Variants in ZNF132 observed in about 807,000 individuals in gnomAD.
The protein encoded by ZNF132 is zinc finger protein 132.
Under a neutral mutation model 9.3 loss-of-function variants are expected in ZNF132, and 6 were observed. The ratio of observed to expected loss-of-function variants is 0.65; its 90% CI spans 0.35 to 1.28. The LOEUF (loss-of-function observed/expected upper bound fraction) is 1.28, where lower values mean the gene tolerates loss of function less well. ZNF132 is among the 50% of genes most tolerant of loss of function. The pLI, the probability that ZNF132 is intolerant of heterozygous loss-of-function variation, is 0.03. For missense variants in ZNF132, 877 were observed against 843.2 expected, an observed-to-expected ratio of 1.04 and a Z score of -0.50; for synonymous variants, 296 against 292.0, an observed-to-expected ratio of 1.01 and a Z score of -0.14.
intron 2 of ZNF132, among the ~76,000 whole-genome samples, chr19:58,436,647 GA>G (rs1169988155): frequency 8.0e-6 from 1 of 125,338 alleles, no homozygotes; most frequent in Non-Finnish European, 1.6e-5. Flanking sequence ...CAGCCTGGGG[GA>G]CAGAGCAAGA....
Position 58,440,100 on chromosome 19 carries a change from G to T in ZNF132, c.-279C>A, listed in dbSNP as rs1216712043. ...GCACCCACTCCCGTGCCCTGGTGTG[G>T]CTCCAGAGGCCTGCTGTAGCCCAAC... On this transcript the variant is annotated 5_prime_UTR_variant, in exon 1 of 3. Coordinates refer to ENST00000254166, the MANE Select transcript of ZNF132 (RefSeq NM_003433.4). The T allele has an allele frequency of 2.1e-6, 1 of 473,402 alleles. No individual in the cohort carries two copies. The highest frequency in any genetic ancestry group is 3.7e-6 in the Non-Finnish European group (1 of 269,768). The allele number at this position is 473,402 out of a possible 1,614,324, so 29.3% of individuals were successfully genotyped here.
At position 58,433,962 on chromosome 19, in the gene ZNF132, T is replaced by C; in HGVS notation, c.1482A>G (p.Lys494=). 1 of 1,614,188 alleles carries C rather than the reference T, an allele frequency of 6.2e-7. No individual in the cohort carries two copies. Among genetic ancestry groups the C allele is most frequent in the Non-Finnish European group, 8.5e-7 (1 of 1,180,032 alleles). The change falls in exon 3 of 3, where the codon AAA becomes AAG. Residue 494 remains lysine, a synonymous_variant. Transcript: ENST00000254166. ...TGAGGGTGGAGCTATTACTGAAGGC[T>C]TTACCACAATCACAGCATTCAAAAG... The part of the protein sequence containing the change: ...ERPFECCDCG[K]AFSNSSTLIQ...
intron 1 of ZNF132, among the ~76,000 whole-genome samples, chr19:58,438,659 G>A (rs562698663): frequency 6.6e-6 from 1 of 151,988 alleles, no homozygotes; most frequent in East Asian, 1.9e-4. Context: ...ATTTTTAGTA[G>A]AGATGGGGTT....
chr19:58,438,796 A>C (rs1201238853), intron 1 of ZNF132, among the ~76,000 whole-genome samples: 2 of 141,458 alleles, frequency 1.4e-5, no homozygotes, highest in African/African-American at 5.3e-5. Flanking sequence ...TTTAAGACAG[A>C]GTCTCGCTCT....
In ZNF132 at chr19:58,433,275, G is replaced by A. The variant is rs1181147223; in HGVS notation, c.*48C>T. The A allele has an allele frequency of 6.4e-7, 1 of 1,557,976 alleles. No individual in the cohort carries two copies. The highest frequency in any genetic ancestry group is 1.8e-5 in the Admixed American group (1 of 54,838). ...ATGGGGATTCTGCTGCATGAAGTTT[G>A]ACTTGGCTGAAGATTTTCTCACAAA... On this transcript the variant is annotated 3_prime_UTR_variant, in exon 3 of 3. Coordinates refer to ENST00000254166, the MANE Select transcript of ZNF132 (RefSeq NM_003433.4).
At chr19:58,437,342 C>A in intron 1 of ZNF132, 127 bp from the exon 2 acceptor site, 1 of 1,098,682 alleles carries the variant, frequency 9.1e-7, no homozygotes, top group Non-Finnish European at 1.3e-6. Context: ...CCACTACTCA[C>A]CCATCCACAG....
Position 58,433,879 on chromosome 19 carries a change from T to C in ZNF132, c.1565A>G (p.Lys522Arg). Reference protein sequence around the residue: ...QRPYECSECRKSFSRSSSLIQ... With the variant: ...QRPYECSECRRSFSRSSSLIQ... ...CAGGCTGGAGCTGCGGCTGAAGGAT[T>C]TCCTACATTCGCTGCACTCATAAGG... is the stretch of plus-strand genomic sequence containing the variant. The change falls in exon 3 of 3, where the codon AAA becomes AGA. Residue 522 changes from lysine (K) to arginine (R), a missense_variant. Lys to Arg is a conservative substitution (Grantham distance 26). Coordinates refer to ENST00000254166, the MANE Select transcript of ZNF132 (RefSeq NM_003433.4). 2 of 1,614,156 alleles carry C rather than the reference T, an allele frequency of 1.2e-6. No homozygotes were observed. Among genetic ancestry groups the C allele is most frequent in the Non-Finnish European group, 1.7e-6 (2 of 1,180,030 alleles).
Position 58,438,228 on chromosome 19 carries a change from C to A in ZNF132, c.64-1013G>T, listed in dbSNP as rs80323061. Among the ~76,000 whole-genome samples the A allele has an allele frequency of 3.9e-3, 592 of 152,330 alleles. 8 individuals carry two copies. The highest frequency in any genetic ancestry group is 0.013 in the African/African-American group (546 of 41,570). On this transcript the variant is annotated intron_variant, in intron 1 of 2. Transcript: ENST00000254166. ...AGACCTACTCTCTGCTCAGGAGGCT[C>A]AGCCACTATCTTGAACCCAACCCAC...
chr19:58,438,434 C>A (rs116661376), intron 1 of ZNF132, among the ~76,000 whole-genome samples: 3,556 of 152,036 alleles, frequency 0.023, 129 homozygotes, highest in African/African-American at 0.08. Context: ...GAAATCTACT[C>A]CTCACACCAA....
At position 58,434,763 on chromosome 19, in the gene ZNF132, T is replaced by G. The variant is rs146675471; in HGVS notation, c.681A>C (p.Pro227=). ...QKPYSNLGQL[P]EVCTTQKLFE... ...AGAGTTTCTGTGTGGTACAGACTTC[T>G]GGAAGCTGCCCAAGATTGGAATATG... is the stretch of plus-strand genomic sequence containing the variant. The change falls in exon 3 of 3, where the codon CCA becomes CCC. Residue 227 remains proline (P), a synonymous_variant. Transcript: ENST00000254166. 1.9e-6 allele frequency: 3 copies of G among 1,614,240 alleles called. No individual in the cohort carries two copies. Among genetic ancestry groups the G allele is most frequent in the South Asian group, 1.1e-5 (1 of 91,086 alleles).
At chr19:58,439,629 G>A (rs1446090538) in intron 1 of ZNF132, 130 bp downstream of exon 1, 20 of 997,044 alleles carry the variant, frequency 2.0e-5, no homozygotes, top group Non-Finnish European at 2.8e-5. Context: ...CCAGGGCAGG[G>A]CCCAGGACCC....
Position 58,433,779 on chromosome 19 carries a change from G to T in ZNF132, c.1665C>A (p.Ser555Arg), listed in dbSNP as rs941349124. ...CSECGKAFAH[S>R]STLIEHWRVH... ...CTCTCCAGTGTTCAATGAGAGTGGA[G>T]CTGTGAGCAAAGGCTTTCCCACACT... is the stretch of plus-strand genomic sequence containing the variant. The change falls in exon 3 of 3, where the codon AGC becomes AGA. Residue 555 changes from serine to arginine, a missense_variant. Coordinates refer to ENST00000254166, the MANE Select transcript of ZNF132 (RefSeq NM_003433.4). 1.2e-6 allele frequency: 2 copies of T among 1,614,190 alleles called. No homozygotes were observed. Among genetic ancestry groups the T allele is most frequent in the Non-Finnish European group, 1.7e-6 (2 of 1,180,032 alleles).
intron 1 of ZNF132, among the ~76,000 whole-genome samples, chr19:58,438,535 G>A (rs1415831338): frequency 6.9e-5 from 10 of 144,650 alleles, no homozygotes; most frequent in Admixed American, 5.6e-4. Flanking sequence ...GTGCAGTGGC[G>A]CGATCTTGGC....
In ZNF132 at chr19:58,433,800, A is replaced by G; in HGVS notation, c.1644T>C (p.Cys548=). 6.2e-7 allele frequency: 1 copy of G among 1,614,200 alleles called. No homozygotes were observed. The highest frequency in any genetic ancestry group is 8.5e-7 in the Non-Finnish European group (1 of 1,180,030). Residue 548 remains cysteine, a synonymous_variant, in exon 3 of 3, where the codon TGT becomes TGC. Transcript: ENST00000254166. ...TGEKPYECSE[C]GKAFAHSSTL... ...TGGAGCTGTGAGCAAAGGCTTTCCC[A>G]CACTCACTACACTCGTAAGGCTTTT...
intron 1 of ZNF132, chr19:58,437,753 T>C: frequency 3.0e-6 from 3 of 985,428 alleles, no homozygotes; most frequent in Non-Finnish European, 3.6e-6. Context: ...GATCCATTCC[T>C]GGTCCAAGCC....
chr19:58,432,999 A>C lies in ZNF132; in HGVS notation c.*324T>G. 1 of 209,054 alleles carries C rather than the reference A, an allele frequency of 4.8e-6. No homozygotes were observed. Among genetic ancestry groups the C allele is most frequent in the Non-Finnish European group, 9.5e-6 (1 of 105,460 alleles). 12.9% of individuals were successfully genotyped at this position (209,054 alleles called of 1,614,324 possible). On this transcript the variant is annotated 3_prime_UTR_variant, in exon 3 of 3. Transcript: ENST00000254166. ...TTTCCCTCAAGGCCCCTCAACCAGC[A>C]TCGGTTCAGCTGAGCACAGTCCTGA...
chr19:58,433,829 C>T lies in ZNF132; in HGVS notation c.1615G>A (p.Gly539Arg). 6.2e-7 allele frequency: 1 copy of T among 1,614,184 alleles called. No individual in the cohort carries two copies. Among genetic ancestry groups the T allele is most frequent in the South Asian group, 1.1e-5 (1 of 91,084 alleles). Reference protein sequence around the residue: ...SLIQHWRIHTGEKPYECSECG... With the variant: ...SLIQHWRIHTREKPYECSECG... ...TCACTACACTCGTAAGGCTTTTCTC[C>T]AGTGTGAATTCTCCAGTGCTGAATC... Residue 539 changes from glycine to arginine, a missense_variant, in exon 3 of 3, where the codon GGA (glycine) becomes AGA (arginine). By Grantham distance (125) the Gly-to-Arg change is moderately radical (BLOSUM62 -2). Coordinates refer to ENST00000254166, the MANE Select transcript of ZNF132 (RefSeq NM_003433.4).
At position 58,439,844 on chromosome 19, in the gene ZNF132, C is replaced by A; in HGVS notation, c.-23G>T. The A allele has an allele frequency of 1.3e-6, 2 of 1,536,720 alleles. No homozygotes were observed. The highest frequency in any genetic ancestry group is 2.5e-5 in the East Asian group (1 of 39,362). ...CATAACAGGAGGCCCAGGGCTAGCC[C>A]TGCCGCTGGGCCGAACCCTCACACT... On this transcript the variant is annotated 5_prime_UTR_variant, in exon 1 of 3. It adds an upstream start codon to the 5' untranslated region. Transcript: ENST00000254166.
Position 58,439,777 on chromosome 19 carries a change from C to T in ZNF132, c.45G>A (p.Leu15=). Residue 15 remains leucine, a synonymous_variant, in exon 1 of 3, where the codon TTG becomes TTA. Coordinates refer to ENST00000254166, the MANE Select transcript of ZNF132 (RefSeq NM_003433.4). ...CACTTACCTGCGCCGGGCCCATCAGCAACGCTGGCAACCCCATTAGAACCT... is the reference window on the plus strand; with the variant it reads ...CACTTACCTGCGCCGGGCCCATCAGTAACGCTGGCAACCCCATTAGAACCT... The part of the protein sequence containing the change: ...SPQVLMGLPA[L]LMGPAQHTSW... The T allele has an allele frequency of 6.5e-7, 1 of 1,545,258 alleles. No homozygotes were observed. The highest frequency in any genetic ancestry group is 8.7e-7 in the Non-Finnish European group (1 of 1,145,360).
Sources: allele counts gnomAD v4.1 joint callset (sites outside exome capture counted in the v4.1 genomes callset), GRCh38; gene constraint gnomAD v4.1.1; transcripts MANE v1.5; gene names NCBI Gene and HGNC (gene_info 2026-07-23, HGNC 2026-07-21).